Variants in NME7 observed in about 807,000 individuals in gnomAD.
The protein encoded by NME7 is NME/NM23 family member 7, also known as nucleoside diphosphate kinase 7.
NME7 carries 41 observed loss-of-function variants against 49.1 expected under a neutral mutation model. That is an observed-to-expected ratio of 0.83 (90% CI 0.65 to 1.08). The LOEUF (loss-of-function observed/expected upper bound fraction) is 1.08. Among genes scored for constraint, NME7 ranks in the 50% least tolerant of loss-of-function variants. NME7 has a pLI of 0.00. For synonymous variants in NME7, 139 were observed against 150.6 expected (o/e 0.92, Z 0.56); for missense variants, 423 against 463.4 (o/e 0.91, Z 0.80).
chr1:169,223,035 A>C (rs994785907), intron 10 of NME7, among the ~76,000 whole-genome samples: 1 of 152,170 alleles, frequency 6.6e-6, no homozygotes, highest in African/African-American at 2.4e-5. Context: ...TTGGAATCAC[A>C]TGCTGCATTT....
rs1002473386 is a variant in NME7 at position 169,324,662 on chromosome 1, C to T, written c.4-162G>A. 9.2e-5 allele frequency among the ~76,000 whole-genome samples: 14 copies of T among 152,334 alleles called. No individual in the cohort carries two copies. The South Asian group carries it at 1.0e-3, about 11-fold the overall frequency. ...CAACAAAGTATCAGTTATCAACACA[C>T]CCTCAGCAATATTTCCTTTCAATTT... is the stretch of plus-strand genomic sequence containing the variant. On this transcript the variant is annotated intron_variant, in intron 1 of 11. Transcript: ENST00000367811.
At chr1:169,331,708 C>A (rs1652262454) in intron 1 of NME7, among the ~76,000 whole-genome samples, 1 of 151,710 alleles carries the variant, frequency 6.6e-6, no homozygotes, top group Admixed American at 6.6e-5. Context: ...AAAAGTTATC[C>A]CATTTACAAT....
chr1:169,226,896 C>T (rs1416752811), intron 10 of NME7, among the ~76,000 whole-genome samples: 4 of 152,006 alleles, frequency 2.6e-5, no homozygotes, highest in Non-Finnish European at 5.9e-5. Flanking sequence ...TTATAGACAA[C>T]TAAAATGAAC....
intron 10 of NME7, among the ~76,000 whole-genome samples, chr1:169,194,794 G>A (rs575340304): frequency 6.6e-6 from 1 of 152,108 alleles, no homozygotes; most frequent in Non-Finnish European, 1.5e-5. Context: ...AAAATGTTAG[G>A]GGCAGAGTCA....
intron 10 of NME7, among the ~76,000 whole-genome samples, chr1:169,200,817 G>C (rs185909082): frequency 6.6e-6 from 1 of 152,242 alleles, no homozygotes; most frequent in East Asian, 1.9e-4. Flanking sequence ...ATGTTTCCCT[G>C]TGTGGCCCTG....
At chr1:169,225,939 A>G (rs958556186) in intron 10 of NME7, among the ~76,000 whole-genome samples, 2 of 152,246 alleles carry the variant, frequency 1.3e-5, no homozygotes, top group African/African-American at 4.8e-5. Context: ...ATAGCTCTAT[A>G]TCTTAGAAAA....
At chr1:169,293,342 T>A (rs1313415495) in intron 6 of NME7, among the ~76,000 whole-genome samples, 7 of 151,394 alleles carry the variant, frequency 4.6e-5, no homozygotes, top group Non-Finnish European at 8.8e-5. Context: ...CAGTTTCAAA[T>A]GTATTATTTC....
At chr1:169,168,722 G>A (rs1659486972) in intron 11 of NME7, 2 of 385,150 alleles carry the variant, frequency 5.2e-6, no homozygotes, top group South Asian at 2.1e-5. Flanking sequence ...AACTACTAAT[G>A]CTGTTGACCG....
chr1:169,163,996 G>C (rs577251753), intron 11 of NME7, among the ~76,000 whole-genome samples: 3 of 151,932 alleles, frequency 2.0e-5, no homozygotes, highest in South Asian at 2.1e-4. Context: ...TGTAGTCCCA[G>C]CTACTCGGGA....
At chr1:169,363,396 A>G (rs980060802) in intron 1 of NME7, among the ~76,000 whole-genome samples, 4 of 152,240 alleles carry the variant, frequency 2.6e-5, no homozygotes, top group African/African-American at 9.6e-5. Flanking sequence ...ATACAATTAA[A>G]CAAAAGTTCA....
intron 7 of NME7, among the ~76,000 whole-genome samples, chr1:169,252,353 T>C (rs1648668867): frequency 6.6e-6 from 1 of 152,190 alleles, no homozygotes; most frequent in South Asian, 2.1e-4. Flanking sequence ...GCAGCATAAA[T>C]GTCTCCTTTT....
chr1:169,246,315 A>G (rs1648310280), intron 7 of NME7, among the ~76,000 whole-genome samples: 1 of 152,182 alleles, frequency 6.6e-6, no homozygotes, highest in Non-Finnish European at 1.5e-5. Context: ...CAAAAAAGTA[A>G]AAACAAATCA....
At chr1:169,268,662 A>C (rs1306368987) in intron 7 of NME7, among the ~76,000 whole-genome samples, 3 of 133,770 alleles carry the variant, frequency 2.2e-5, no homozygotes, top group Non-Finnish European at 5.3e-5. Flanking sequence ...ACTGGAGGCC[A>C]TTATCCTTAG....
chr1:169,148,718 T>A (rs1658828111), intron 11 of NME7, among the ~76,000 whole-genome samples: 1 of 152,176 alleles, frequency 6.6e-6, no homozygotes, highest in South Asian at 2.1e-4. Flanking sequence ...GTGAATTGGT[T>A]TCATCTTTCT....
chr1:169,178,290 C>T (rs1659819322), intron 10 of NME7, among the ~76,000 whole-genome samples: 2 of 152,156 alleles, frequency 1.3e-5, no homozygotes, highest in South Asian at 4.1e-4. Flanking sequence ...TCCCCAGACA[C>T]ATTTTTGGCT....
Position 169,335,789 on chromosome 1 carries a change from G to GAT in NME7, c.4-11291_4-11290dup, listed in dbSNP as rs1178340729. Among the ~76,000 whole-genome samples the GAT allele has an allele frequency of 7.3e-4, 106 of 145,800 alleles. 1 individual carries two copies. The East Asian group carries it at 0.011, about 15-fold the overall frequency. Reference sequence around the variant, plus strand: ...ATATTTATATATATGTTTCAGAAGAGATATATATATATACATATATATAGA... The same window carrying GAT: ...ATATTTATATATATGTTTCAGAAGAGATATATATATATATACATATATATAGA... On this transcript the variant is annotated intron_variant, in intron 1 of 11. Transcript: ENST00000367811.
chr1:169,254,573 C>A (rs1041462015), intron 7 of NME7, among the ~76,000 whole-genome samples: 2 of 150,880 alleles, frequency 1.3e-5, no homozygotes, highest in Non-Finnish European at 2.9e-5. Context: ...TTCAGTTCTG[C>A]TCTGATTTTA....
intron 1 of NME7, among the ~76,000 whole-genome samples, chr1:169,358,613 T>A (rs1414934256): frequency 6.6e-6 from 1 of 152,082 alleles, no homozygotes; most frequent in African/African-American, 2.4e-5. Context: ...AAAACAATAA[T>A]TACAAAGAAA....
chr1:169,145,928 C>A lies in NME7; in HGVS notation c.1099-13111G>T, dbSNP rs147468488. On this transcript the variant is annotated intron_variant, in intron 11 of 11. Transcript: ENST00000367811. ...GAAGAAAGTAAAAAGTGGAGAGATA[C>A]AGCATTTCATATTATTTTTATTGAT... Among the ~76,000 whole-genome samples the A allele has an allele frequency of 4.2e-3, 636 of 152,214 alleles. 5 individuals are homozygous for A. The highest frequency in any genetic ancestry group is 0.014 in the African/African-American group (597 of 41,536).
Sources: gnomAD v4.1 joint callset for allele counts (sites outside exome capture counted in the v4.1 genomes callset) on GRCh38, gnomAD v4.1.1 for gene constraint, MANE v1.5 for transcripts, NCBI Gene and HGNC (gene_info 2026-07-23, HGNC 2026-07-21) for gene names.